Variants in CAMKMT observed in about 807,000 individuals in gnomAD.
CAMKMT encodes the protein CaM KMT.
A neutral mutation model predicts 48.0 loss-of-function variants in CAMKMT; 53 were observed. That is an observed-to-expected ratio of 1.10 (90% CI 0.89 to 1.39). The LOEUF (loss-of-function observed/expected upper bound fraction) is 1.39. Ranked by LOEUF, CAMKMT falls within the 40% of genes most tolerant of loss-of-function variation. CAMKMT has a pLI of 0.00. For missense variants in CAMKMT, 428 were observed against 402.7 expected (o/e 1.06, Z -0.54); for synonymous variants, 165 against 152.3 (o/e 1.08, Z -0.61).
intron 3 of CAMKMT, among the ~76,000 whole-genome samples, chr2:44,616,836 T>A (rs1360304792): frequency 2.0e-5 from 3 of 152,174 alleles, no homozygotes; most frequent in Non-Finnish European, 4.4e-5. Flanking sequence ...TGAGCTCATG[T>A]TTCTATATGC....
intron 3 of CAMKMT, among the ~76,000 whole-genome samples, chr2:44,517,758 G>A (rs698786): frequency 0.61 from 92,938 of 152,066 alleles, 29,369 homozygotes; most frequent in Middle Eastern, 0.68. Context: ...CTGTGTGAGA[G>A]CAATTTAGTT....
intron 3 of CAMKMT, among the ~76,000 whole-genome samples, chr2:44,556,261 C>G (rs1667997582): frequency 6.6e-6 from 1 of 151,984 alleles, no homozygotes; most frequent in Admixed American, 6.6e-5. Context: ...GCCTCAGCCT[C>G]CCAAGCAGCT....
intron 3 of CAMKMT, among the ~76,000 whole-genome samples, chr2:44,534,053 G>C (rs1666631966): frequency 6.6e-6 from 1 of 152,046 alleles, no homozygotes; most frequent in African/African-American, 2.4e-5. Context: ...CATGCAAACA[G>C]AAACCAAAAG....
At chr2:44,373,507 G>A (rs1558547771) in intron 2 of CAMKMT, among the ~76,000 whole-genome samples, 1 of 152,124 alleles carries the variant, frequency 6.6e-6, no homozygotes, top group Admixed American at 6.5e-5. Flanking sequence ...ATTACTGTAG[G>A]TGTTTGATTT....
Position 44,653,613 on chromosome 2 carries a change from C to T in CAMKMT, c.377-50670C>T, listed in dbSNP as rs1388272934. Among the ~76,000 whole-genome samples the T allele has an allele frequency of 6.6e-6, 1 of 152,090 alleles. No individual in the cohort carries two copies. The highest frequency in any genetic ancestry group is 1.9e-4 in the East Asian group (1 of 5,186). On this transcript the variant is annotated intron_variant, in intron 3 of 10. Transcript: ENST00000378494. This position sits in a 1 kb window ranked among gnomAD's most constrained non-coding sequence, Gnocchi z 5.2. ...GGAATGGAGTTATGCAGAAGGTATG[C>T]AGAGAAGGAGTGGCTTAGGTTAGGT... is the stretch of plus-strand genomic sequence containing the variant.
At chr2:44,369,461 A>G (rs2104348039) in intron 1 of CAMKMT, among the ~76,000 whole-genome samples, 1 of 152,324 alleles carries the variant, frequency 6.6e-6, no homozygotes, top group East Asian at 1.9e-4. Flanking sequence ...CTTTAAGCAG[A>G]AATGGGTTTA....
intron 3 of CAMKMT, among the ~76,000 whole-genome samples, chr2:44,443,250 C>T (rs1243251973): frequency 2.0e-5 from 3 of 152,106 alleles, no homozygotes; most frequent in Admixed American, 6.6e-5. Context: ...ATTTTACTCT[C>T]AGGGCTTTTC....
intron 3 of CAMKMT, among the ~76,000 whole-genome samples, chr2:44,399,815 A>G (rs1413169597): frequency 6.6e-6 from 1 of 152,118 alleles, no homozygotes; most frequent in African/African-American, 2.4e-5. Context: ...ACAGAAACAG[A>G]CCAGGTTCTT....
intron 3 of CAMKMT, among the ~76,000 whole-genome samples, chr2:44,524,965 T>TG (rs759909211): frequency 1.0e-5 from 1 of 98,258 alleles, no homozygotes; most frequent in Non-Finnish European, 2.4e-5. Context: ...GCAAATTTCA[T>TG]AAAAAAAAAA....
chr2:44,740,571 A>G (rs372354759), intron 7 of CAMKMT, among the ~76,000 whole-genome samples: 4 of 152,164 alleles, frequency 2.6e-5, no homozygotes, highest in African/African-American at 9.6e-5. Flanking sequence ...AAATGGACAA[A>G]GGAAATGTAA....
chr2:44,598,760 G>T (rs1271899001), intron 3 of CAMKMT, among the ~76,000 whole-genome samples: 1 of 149,742 alleles, frequency 6.7e-6, no homozygotes, highest in Non-Finnish European at 1.5e-5. Flanking sequence ...GGGTGGGGAG[G>T]TGGTTGTGAG....
intron 3 of CAMKMT, among the ~76,000 whole-genome samples, chr2:44,494,499 A>C (rs1669666420): frequency 6.6e-6 from 1 of 152,236 alleles, no homozygotes; most frequent in African/African-American, 2.4e-5. Flanking sequence ...GCTAAGGGAT[A>C]ATGGTCATGC....
intron 3 of CAMKMT, among the ~76,000 whole-genome samples, chr2:44,553,016 G>A (rs1390455508): frequency 6.6e-6 from 1 of 152,204 alleles, no homozygotes; most frequent in Non-Finnish European, 1.5e-5. Context: ...AGGAGGCTTA[G>A]CCAAAGAGTT....
At chr2:44,611,094 T>A (rs538743129) in intron 3 of CAMKMT, among the ~76,000 whole-genome samples, 1 of 152,152 alleles carries the variant, frequency 6.6e-6, no homozygotes, top group Non-Finnish European at 1.5e-5. Context: ...TCCCAATATG[T>A]TCCTGAAGGC....
At chr2:44,664,410 T>G (rs1487682969) in intron 3 of CAMKMT, among the ~76,000 whole-genome samples, 1 of 152,228 alleles carries the variant, frequency 6.6e-6, no homozygotes, top group Non-Finnish European at 1.5e-5. Context: ...CTCCTCTATG[T>G]GGAATCCTAT....
At chr2:44,695,805 G>A (rs917959325) in intron 3 of CAMKMT, among the ~76,000 whole-genome samples, 7 of 151,852 alleles carry the variant, frequency 4.6e-5, no homozygotes, top group African/African-American at 1.7e-4. Flanking sequence ...AACTTCTGGA[G>A]CCTTGAAGGC....
chr2:44,595,728 C>T (rs954829634), intron 3 of CAMKMT, among the ~76,000 whole-genome samples: 3 of 152,112 alleles, frequency 2.0e-5, no homozygotes, highest in African/African-American at 7.2e-5. Context: ...AGACTTGGAA[C>T]CAACCTAAAT....
chr2:44,429,106 C>G (rs1166608464), intron 3 of CAMKMT, among the ~76,000 whole-genome samples: 1 of 152,144 alleles, frequency 6.6e-6, no homozygotes, highest in Non-Finnish European at 1.5e-5. Flanking sequence ...GCTCCTTGAG[C>G]CCCACCAGTG....
chr2:44,706,264 A>T (rs1418826397), intron 4 of CAMKMT, 23 bp from the exon 5 acceptor site: 1 of 1,612,236 alleles, frequency 6.2e-7, no homozygotes, highest in Admixed American at 1.7e-5. Context: ...TATGGGTTCT[A>T]CCATTTCTTT....
Sources: gnomAD v4.1 joint callset for allele counts (sites outside exome capture counted in the v4.1 genomes callset) on GRCh38, gnomAD v4.1.1 for gene constraint, Gnocchi (gnomAD v3.1) non-coding constraint, MANE v1.5 for transcripts, NCBI Gene and HGNC (gene_info 2026-07-23, HGNC 2026-07-21) for gene names.